The following SPTBN5 variants were observed in gnomAD, a reference collection of about 807,000 sequenced individuals.
SPTBN5 encodes spectrin beta chain, non-erythrocytic 5.
Under a neutral mutation model 477.6 loss-of-function variants are expected in SPTBN5, and 513 were observed. The observed-to-expected ratio is 1.07, with a 90% CI of 1.00 to 1.16. SPTBN5 has a LOEUF of 1.16. SPTBN5 is among the 50% of genes most tolerant of loss of function. The pLI, the probability that SPTBN5 is intolerant of heterozygous loss-of-function variation, is 0.00. For missense variants in SPTBN5, 5,062 were observed against 4,731.8 expected (o/e 1.07, Z -2.05); for synonymous variants, 2,169 against 2,011.7 (o/e 1.08, Z -2.09).
intron 57 of SPTBN5, 50 bp downstream of exon 57, chr15:41,854,000 C>T (rs562281850): frequency 2.1e-5 from 32 of 1,517,144 alleles, no homozygotes; most frequent in East Asian, 7.4e-5. Flanking sequence ...CCTCAGCCAC[C>T]GCCTTCGGGC....
rs536149700 is a variant in SPTBN5 at position 41,868,519 on chromosome 15, G to A, written c.5936C>T (p.Pro1979Leu). 88 of 1,609,640 alleles carry A rather than the reference G, an allele frequency of 5.5e-5. 1 individual carries two copies. In the East Asian group the frequency reaches 7.6e-4, roughly 14 times the overall value. The change falls in exon 33 of 68, where the codon CCG becomes CTG. Residue 1979 changes from proline to leucine, a missense_variant. Pro to Leu is a moderately conservative substitution (Grantham distance 98, BLOSUM62 -3). Coordinates refer to ENST00000320955, the MANE Select transcript of SPTBN5 (RefSeq NM_016642.4). ...CCACTGGTGGGCACTGAGCTTCAGCGGGCCACTGCTAGGCTCTTGCGAACT... is the reference window on the plus strand; with the variant it reads ...CCACTGGTGGGCACTGAGCTTCAGCAGGCCACTGCTAGGCTCTTGCGAACT... ...EESSQEPSSGPLKLSAHQWLR... is the reference protein window; with the variant it reads ...EESSQEPSSGLLKLSAHQWLR...
At chr15:41,885,313 C>G (rs968164060) in intron 7 of SPTBN5, among the ~76,000 whole-genome samples, 1 of 152,196 alleles carries the variant, frequency 6.6e-6, no homozygotes, top group African/African-American at 2.4e-5. Context: ...CATGAGCCAC[C>G]GCGCCCGGCC....
chr15:41,887,141 A>G, intron 6 of SPTBN5, 72 bp downstream of exon 6: 1 of 1,384,748 alleles, frequency 7.2e-7, no homozygotes. Flanking sequence ...AGTACGTGGC[A>G]GGGCAGGCTT....
At position 41,862,913 on chromosome 15, in the gene SPTBN5, G is replaced by A. The variant is rs762966324; in HGVS notation, c.7150-10C>T. 9 of 1,562,784 alleles carry A rather than the reference G, an allele frequency of 5.8e-6. No homozygotes were observed. The highest frequency in any genetic ancestry group is 7.8e-6 in the Non-Finnish European group (9 of 1,154,580). ...CCTGGATCAGGGCTTCCTGGAGGAGGGGCACGGCCAGTTACCTGCTGGGCC... is the reference window on the plus strand; with the variant it reads ...CCTGGATCAGGGCTTCCTGGAGGAGAGGCACGGCCAGTTACCTGCTGGGCC... On this transcript the variant is annotated splice_polypyrimidine_tract_variant and intron_variant, in intron 41 of 67. Coordinates refer to ENST00000320955, the MANE Select transcript of SPTBN5 (RefSeq NM_016642.4).
chr15:41,856,170 G>C (rs1021841513), intron 53 of SPTBN5, among the ~76,000 whole-genome samples: 1 of 152,236 alleles, frequency 6.6e-6, no homozygotes, highest in African/African-American at 2.4e-5. Context: ...TAAAGCCCTG[G>C]TTGAGACCCA....
Position 41,854,215 on chromosome 15 carries a change from G to C in SPTBN5, c.9619-10C>G. On this transcript the variant is annotated splice_polypyrimidine_tract_variant and intron_variant, in intron 56 of 67. Transcript: ENST00000320955. ...GGGCTGCAGCCAAGTTCTGGGAGAG[G>C]AGAAAGGACCTGCTCAGGGCTGTTC... The C allele has an allele frequency of 6.3e-7, 1 of 1,589,928 alleles. No individual in the cohort carries two copies. The highest frequency in any genetic ancestry group is 1.1e-5 in the South Asian group (1 of 87,128).
chr15:41,856,706 C>A, intron 52 of SPTBN5, 108 bp from the exon 53 acceptor site: 1 of 1,355,930 alleles, frequency 7.4e-7, no homozygotes, highest in Non-Finnish European at 9.9e-7. Context: ...CAAGGAGTTC[C>A]CTGTCCCCAT....
At chr15:41,862,937 C>T in intron 41 of SPTBN5, 34 bp from the exon 42 acceptor site, 2 of 1,543,878 alleles carry the variant, frequency 1.3e-6, no homozygotes, top group Non-Finnish European at 1.8e-6. Context: ...ACCTGCTGGG[C>T]CTTTGCTTCG....
intron 67 of SPTBN5, 102 bp from the exon 68 acceptor site, chr15:41,848,730 C>A: frequency 7.3e-7 from 1 of 1,378,964 alleles, no homozygotes; most frequent in Admixed American, 1.7e-5. Flanking sequence ...ACCAGCCAGC[C>A]TCCTAGAATA....
intron 4 of SPTBN5, among the ~76,000 whole-genome samples, chr15:41,888,649 C>T (rs1041723895): frequency 1.2e-4 from 18 of 152,308 alleles, no homozygotes; most frequent in South Asian, 8.3e-4. Flanking sequence ...TTAGTTGGAA[C>T]GGGGTTTCAC....
Position 41,856,412 on chromosome 15 carries a change from G to A in SPTBN5, c.8995C>T (p.Gln2999Ter), listed in dbSNP as rs906137260. 2.5e-6 allele frequency: 4 copies of A among 1,586,740 alleles called. No homozygotes were observed. Among genetic ancestry groups the A allele is most frequent in the African/African-American group, 2.7e-5 (2 of 74,322 alleles). Residue 2999 changes from glutamine (Q) to a stop codon, truncating the protein, a stop_gained, in exon 53 of 68, where the codon CAG (glutamine) becomes TAG (stop). Transcript: ENST00000320955. LOFTEE classifies it high-confidence loss of function. ...ARRRLLLQQA[Q>*]EAQQFLTELL... ...TCAGTCAGAAACTGCTGGGCCTCCTGAGCCTGCTGCAGCAGAAGCCGCCTC... is the reference window on the plus strand; with the variant it reads ...TCAGTCAGAAACTGCTGGGCCTCCTAAGCCTGCTGCAGCAGAAGCCGCCTC...
chr15:41,874,095 G>A lies in SPTBN5; in HGVS notation c.4690-50C>T, dbSNP rs371394648. ...TGCTGCTCTTAACCCAGGGGCGTCC[G>A]GAGCAGAGCCATGGATGTGGCTCCA... On this transcript the variant is annotated intron_variant, in intron 24 of 67. Coordinates refer to ENST00000320955, the MANE Select transcript of SPTBN5 (RefSeq NM_016642.4). The A allele has an allele frequency of 2.2e-5, 34 of 1,542,312 alleles. No homozygotes were observed. The African/African-American group carries it at 3.5e-4, about 16-fold the overall frequency.
At chr15:41,871,959 C>A in intron 27 of SPTBN5, 42 bp from the exon 28 acceptor site, 1 of 1,487,058 alleles carries the variant, frequency 6.7e-7, no homozygotes, top group Non-Finnish European at 9.0e-7. Flanking sequence ...GAGTTGCCCA[C>A]CCCCCTGGGG....
rs1212059553 is a variant in SPTBN5 at position 41,866,482 on chromosome 15, C to G, written c.6492G>C (p.Trp2164Cys). The G allele has an allele frequency of 6.4e-7, 1 of 1,574,386 alleles. No homozygotes were observed. Among genetic ancestry groups the G allele is most frequent in the East Asian group, 2.3e-5 (1 of 44,326 alleles). ...TCAGCTGCTGGGCCCACGCCTGGAT[C>G]CAGTCCTCAGCCTGGTGGGGGTGGG... ...FTQAATQAED[W>C]IQAWAQQLKE... is the part of the protein sequence containing the mutation. The change falls in exon 37 of 68, where the codon TGG (tryptophan) becomes TGC (cysteine). Residue 2164 changes from tryptophan to cysteine, a missense_variant. Trp to Cys is a radical substitution (Grantham distance 215). Coordinates refer to ENST00000320955, the MANE Select transcript of SPTBN5 (RefSeq NM_016642.4).
chr15:41,872,240 G>C, intron 27 of SPTBN5, 62 bp downstream of exon 27: 2 of 1,551,600 alleles, frequency 1.3e-6, no homozygotes, highest in Non-Finnish European at 1.7e-6. Flanking sequence ...CATGGCATGG[G>C]AACAGTCAGC....
At position 41,855,708 on chromosome 15, in the gene SPTBN5, T is replaced by C. The variant is rs749298760; in HGVS notation, c.9059A>G (p.His3020Arg). ...GCCCATGTCCTCGCTGTCCAGGACA[T>C]GGCCCCGCTCAGCCAGCCAGGATCC... ...EAGSWLAERG[H>R]VLDSEDMGHS... The change falls in exon 54 of 68, where the codon CAT (histidine) becomes CGT (arginine). Residue 3020 changes from histidine (H) to arginine (R), a missense_variant. Physicochemically the swap from His to Arg is conservative, Grantham distance 29. Coordinates refer to ENST00000320955, the MANE Select transcript of SPTBN5 (RefSeq NM_016642.4). The C allele has an allele frequency of 1.3e-6, 2 of 1,597,610 alleles. No individual in the cohort carries two copies.
intron 29 of SPTBN5, 121 bp from the exon 30 acceptor site, chr15:41,870,681 C>T (rs974990120): frequency 9.9e-5 from 78 of 791,662 alleles, no homozygotes; most frequent in Admixed American, 1.3e-4. Context: ...CCCAAAGCTC[C>T]TCCTTCTTAA....
intron 19 of SPTBN5, 72 bp from the exon 20 acceptor site, chr15:41,876,719 C>T (rs1239436433): frequency 5.6e-6 from 9 of 1,601,396 alleles, no homozygotes; most frequent in African/African-American, 2.7e-5. Context: ...GCACTCTCCC[C>T]CACCCCCTAC....
intron 7 of SPTBN5, 64 bp from the exon 8 acceptor site, chr15:41,883,550 C>T: frequency 6.4e-7 from 1 of 1,574,424 alleles, no homozygotes; most frequent in Non-Finnish European, 8.6e-7. Flanking sequence ...CTTCAGGGTT[C>T]CTGGTCTGTG....
Sources: allele counts gnomAD v4.1 joint callset (sites outside exome capture counted in the v4.1 genomes callset), GRCh38; gene constraint gnomAD v4.1.1; transcripts MANE v1.5; gene names NCBI Gene and HGNC (gene_info 2026-07-23, HGNC 2026-07-21).